The following CFAP418 variants were observed in gnomAD, a reference collection of about 807,000 sequenced individuals.
CFAP418 encodes the protein cilia and flagella associated protein 418, also known as cilia- and flagella-associated protein 418.
In CFAP418, 27 loss-of-function variants were observed where a neutral mutation model predicts 24.7. That is an observed-to-expected ratio of 1.09 (90% CI 0.81 to 1.51). The LOEUF (loss-of-function observed/expected upper bound fraction) is 1.51, where lower values mean the gene tolerates loss of function less well. Among genes scored for constraint, CFAP418 ranks in the 40% most tolerant of loss-of-function variants. The pLI, the probability that CFAP418 is intolerant of heterozygous loss-of-function variation, is 0.00. For synonymous variants in CFAP418, 74 were observed against 87.3 expected, an observed-to-expected ratio of 0.85 and a Z score of 0.85; for missense variants, 257 against 255.2, an observed-to-expected ratio of 1.01 and a Z score of -0.05.
chr8:95,248,281 G>C (rs1030820346), intron 5 of CFAP418, among the ~76,000 whole-genome samples: 1 of 152,152 alleles, frequency 6.6e-6, no homozygotes, highest in African/African-American at 2.4e-5. Context: ...CTCTAGGCCA[G>C]TTTATTGAAT....
At chr8:95,251,016 A>G (rs1811698232) in intron 5 of CFAP418, among the ~76,000 whole-genome samples, 1 of 152,238 alleles carries the variant, frequency 6.6e-6, no homozygotes, top group Non-Finnish European at 1.5e-5. Context: ...TTAGCTTTAA[A>G]TTTTTATTTG....
chr8:95,261,612 C>T lies in CFAP418; in HGVS notation c.244-1080G>A, dbSNP rs558245368. Among the ~76,000 whole-genome samples, 6 of 152,176 alleles carry T rather than the reference C, an allele frequency of 3.9e-5. No homozygotes were observed. The South Asian group carries it at 1.2e-3, about 32-fold the overall frequency. ...TTTATCTATGTTTCTTTTGTTAATA[C>T]ATGTTTTTTTTTCCCAATAAATGTT... On this transcript the variant is annotated intron_variant, in intron 2 of 5. Transcript: ENST00000286688.
At chr8:95,253,542 CA>C (rs1314914324) in intron 4 of CFAP418, among the ~76,000 whole-genome samples, 1 of 152,092 alleles carries the variant, frequency 6.6e-6, no homozygotes, top group Non-Finnish European at 1.5e-5. Context: ...ACGCTAATTT[CA>C]AAATGCAAAT....
chr8:95,265,195 T>C (rs1448006004), intron 1 of CFAP418, among the ~76,000 whole-genome samples: 2 of 152,118 alleles, frequency 1.3e-5, no homozygotes, highest in Non-Finnish European at 2.9e-5. Context: ...CTAGATGCTA[T>C]TAAATAATAG....
At chr8:95,250,258 T>G (rs150631967) in intron 5 of CFAP418, among the ~76,000 whole-genome samples, 1 of 152,382 alleles carries the variant, frequency 6.6e-6, no homozygotes, top group African/African-American at 2.4e-5. Flanking sequence ...TCTTGAGAAC[T>G]GAGACAGTAT....
At chr8:95,261,250 A>G (rs1283671315) in intron 2 of CFAP418, among the ~76,000 whole-genome samples, 1 of 152,240 alleles carries the variant, frequency 6.6e-6, no homozygotes, top group Non-Finnish European at 1.5e-5. Flanking sequence ...ATAGTGGGTG[A>G]GGAAATTTAA....
intron 5 of CFAP418, among the ~76,000 whole-genome samples, chr8:95,250,070 T>C (rs1459975542): frequency 6.6e-6 from 1 of 152,222 alleles, no homozygotes; most frequent in Admixed American, 6.5e-5. Flanking sequence ...CCTGGGTTCC[T>C]CTCATCTTAT....
chr8:95,247,463 A>C lies in CFAP418; in HGVS notation c.*154T>G. On this transcript the variant is annotated 3_prime_UTR_variant, in exon 6 of 6. Coordinates refer to ENST00000286688, the MANE Select transcript of CFAP418 (RefSeq NM_177965.4). ...TATAATACATGATCTTCCTTAGTCC[A>C]TTTGGTCTTCAAAAATGTATGTAGT... The C allele has an allele frequency of 2.6e-6, 2 of 757,204 alleles. No individual in the cohort carries two copies. Among genetic ancestry groups the C allele is most frequent in the Non-Finnish European group, 4.3e-6 (2 of 467,096 alleles). 46.9% of individuals were successfully genotyped at this position (757,204 alleles called of 1,614,324 possible).
chr8:95,247,417 T>C lies in CFAP418; in HGVS notation c.*200A>G, dbSNP rs970732767. On this transcript the variant is annotated 3_prime_UTR_variant, in exon 6 of 6. Transcript: ENST00000286688. ...TGTTACTAAGTGAAACATCCATGTATCAGGAATAATTCCAAAGTGTTATAA... is the reference window on the plus strand; with the variant it reads ...TGTTACTAAGTGAAACATCCATGTACCAGGAATAATTCCAAAGTGTTATAA... 1.2e-5 allele frequency: 7 copies of C among 572,520 alleles called. No individual in the cohort carries two copies. Among genetic ancestry groups the C allele is most frequent in the African/African-American group, 1.9e-5 (1 of 52,380 alleles). The allele number at this position is 572,520 out of a possible 1,614,324, so 35.5% of individuals were successfully genotyped here. A position where few individuals can be genotyped will look rare whatever the true frequency, so the allele number is the denominator to read the frequency against.
In CFAP418 at chr8:95,245,371, T is replaced by C. The variant is rs192180459; in HGVS notation, c.*2246A>G. The C allele has an allele frequency of 2.6e-5, 4 of 152,322 alleles. No individual in the cohort carries two copies. Among genetic ancestry groups the C allele is most frequent in the African/African-American group, 7.2e-5 (3 of 41,574 alleles). 9.4% of individuals were successfully genotyped at this position (152,322 alleles called of 1,614,324 possible). A position where few individuals can be genotyped will look rare whatever the true frequency, so the allele number is the denominator to read the frequency against. ...TGACATTGGGGGATTATTATAATTATTATGTTATGGAATGCCAAACATAGG... is the reference window on the plus strand; with the variant it reads ...TGACATTGGGGGATTATTATAATTACTATGTTATGGAATGCCAAACATAGG... On this transcript the variant is annotated 3_prime_UTR_variant, in exon 6 of 6. Transcript: ENST00000286688.
rs149558233 is a variant in CFAP418, at chr8:95,252,209, G to A, written c.449C>T (p.Ser150Leu). Residue 150 changes from serine to leucine, a missense_variant, in exon 5 of 6, where the codon TCG (serine) becomes TTG (leucine). Physicochemically the swap from Ser to Leu is moderately radical, Grantham distance 145 (BLOSUM62 -2). Transcript: ENST00000286688. ...VSYDDYMWDK[S>L]CDYLFFRNNM... ...ATACCTGAAAAACAGATAATCACAC[G>A]ATTTGTCCCACATATAGTCATCATA... 18 of 1,612,376 alleles carry A rather than the reference G, an allele frequency of 1.1e-5. No individual in the cohort carries two copies. Among genetic ancestry groups the A allele is most frequent in the Admixed American group, 1.7e-5 (1 of 59,800 alleles).
rs1305914144 is a variant in CFAP418, at chr8:95,245,403, A to G, written c.*2214T>C. 1 of 152,204 alleles carries G rather than the reference A, an allele frequency of 6.6e-6. No individual in the cohort carries two copies. Among genetic ancestry groups the G allele is most frequent in the Non-Finnish European group, 1.5e-5 (1 of 68,038 alleles). The allele number at this position is 152,204 out of a possible 1,614,324, so 9.4% of individuals were successfully genotyped here. A position where few individuals can be genotyped will look rare whatever the true frequency, so the allele number is the denominator to read the frequency against. On this transcript the variant is annotated 3_prime_UTR_variant, in exon 6 of 6. Transcript: ENST00000286688. ...ATGGAATGCCAAACATAGGCAATGT[A>G]TGTAAGTTTTAGGATAGTTATAATG... is the stretch of plus-strand genomic sequence containing the variant.
intron 4 of CFAP418, among the ~76,000 whole-genome samples, chr8:95,257,692 G>A (rs746644266): frequency 3.9e-5 from 6 of 152,228 alleles, no homozygotes; most frequent in Non-Finnish European, 5.9e-5. Context: ...TTGTGGTGAC[G>A]CTGATGTAAA....
intron 2 of CFAP418, among the ~76,000 whole-genome samples, chr8:95,261,454 C>G (rs1811890440): frequency 6.6e-6 from 1 of 152,082 alleles, no homozygotes. Context: ...GTTGTTGGTT[C>G]CTGGGCTTTC....
intron 1 of CFAP418, among the ~76,000 whole-genome samples, chr8:95,267,738 G>C (rs1812019507): frequency 6.6e-6 from 1 of 152,164 alleles, no homozygotes; most frequent in African/African-American, 2.4e-5. Context: ...AAAATTAACG[G>C]AGATGACGTT....
rs1479022157 is a variant in CFAP418, at chr8:95,247,032, G to A, written c.*585C>T. The A allele has an allele frequency of 2.0e-5, 3 of 153,058 alleles. No individual in the cohort carries two copies. The highest frequency in any genetic ancestry group is 2.4e-5 in the African/African-American group (1 of 41,562). The allele number at this position is 153,058 out of a possible 1,614,324, so 9.5% of individuals were successfully genotyped here. On this transcript the variant is annotated 3_prime_UTR_variant, in exon 6 of 6. Transcript: ENST00000286688. ...ACTGGTAACATGTATTTAATATTGT[G>A]CATAACATTGCTTTGAGTTGATGAG... is the stretch of plus-strand genomic sequence containing the variant.
intron 4 of CFAP418, among the ~76,000 whole-genome samples, chr8:95,254,958 C>T (rs1811763923): frequency 6.6e-6 from 1 of 152,228 alleles, no homozygotes; most frequent in Non-Finnish European, 1.5e-5. Flanking sequence ...TCACTGAATT[C>T]TGTCAATTCT....
chr8:95,258,314 G>C (rs1214355825), intron 4 of CFAP418, among the ~76,000 whole-genome samples: 2 of 149,644 alleles, frequency 1.3e-5, no homozygotes, highest in African/African-American at 4.9e-5. Flanking sequence ...CCTGGGAGGC[G>C]GAGCTTGCAG....
chr8:95,246,934 A>G lies in CFAP418; in HGVS notation c.*683T>C, dbSNP rs1055472569. On this transcript the variant is annotated 3_prime_UTR_variant, in exon 6 of 6. Coordinates refer to ENST00000286688, the MANE Select transcript of CFAP418 (RefSeq NM_177965.4). ...TTTGGGTGCATCAAACTCTTTTTAT[A>G]TATTATTGGGTAATCAAAATAGAAA... is the stretch of plus-strand genomic sequence containing the variant. 2 of 152,208 alleles carry G rather than the reference A, an allele frequency of 1.3e-5. No homozygotes were observed. The highest frequency in any genetic ancestry group is 2.9e-5 in the Non-Finnish European group (2 of 68,052). 9.4% of individuals were successfully genotyped at this position (152,208 alleles called of 1,614,324 possible).
Sources: allele counts gnomAD v4.1 joint callset (sites outside exome capture counted in the v4.1 genomes callset), GRCh38; gene constraint gnomAD v4.1.1; transcripts MANE v1.5; gene names NCBI Gene and HGNC (gene_info 2026-07-23, HGNC 2026-07-21).